The following UBR1 variants were observed in gnomAD, a reference collection of about 807,000 sequenced individuals.
UBR1 encodes the protein E3 ubiquitin-protein ligase UBR1.
UBR1 carries 102 observed loss-of-function variants against 242.1 expected under a neutral mutation model. That is an observed-to-expected ratio of 0.42 (90% CI 0.36 to 0.50). The LOEUF is 0.50. Among genes scored for constraint, UBR1 ranks in the 20% least tolerant of loss-of-function variants. The pLI, the probability that UBR1 is intolerant of heterozygous loss-of-function variation, is 0.01. For synonymous variants in UBR1, 675 were observed against 684.8 expected (o/e 0.99, Z 0.22); for missense variants, 1,772 against 2,101.8 (o/e 0.84, Z 3.07).
intron 30 of UBR1, among the ~76,000 whole-genome samples, chr15:43,004,747 C>T (rs556334928): frequency 3.3e-5 from 5 of 152,204 alleles, no homozygotes; most frequent in Admixed American, 2.0e-4. Context: ...TCCTCCCAGC[C>T]GCCTGCCTTG....
intron 3 of UBR1, among the ~76,000 whole-genome samples, chr15:43,076,013 C>T (rs1429711139): frequency 1.3e-5 from 2 of 151,970 alleles, no homozygotes; most frequent in Non-Finnish European, 2.9e-5. Flanking sequence ...CATGGTCTCC[C>T]TCTGATGCCG....
chr15:42,984,058 TAAGAGTTGGTAA>T, intron 36 of UBR1, 65 bp from the exon 37 acceptor site: 1 of 1,310,568 alleles, frequency 7.6e-7, no homozygotes, highest in South Asian at 1.3e-5. Flanking sequence ...GTCATCCACT[TAAGAGTTGGTAA>T]AAACCAACTC....
At chr15:43,095,955 T>A (rs1332320455) in intron 1 of UBR1, among the ~76,000 whole-genome samples, 2 of 152,194 alleles carry the variant, frequency 1.3e-5, no homozygotes, top group Non-Finnish European at 2.9e-5. Context: ...CCAATGCATA[T>A]GAAAGTTATG....
intron 21 of UBR1, among the ~76,000 whole-genome samples, chr15:43,029,114 T>TACACACACACGCAC (rs1567130714): frequency 1.4e-5 from 2 of 145,672 alleles, no homozygotes; most frequent in Non-Finnish European, 3.0e-5. Context: ...TAAAAACAAA[T>TACACACACACGCAC]ACACACACAC....
At chr15:42,981,611 T>C (rs1039519382) in intron 37 of UBR1, among the ~76,000 whole-genome samples, 1 of 152,126 alleles carries the variant, frequency 6.6e-6, no homozygotes, top group African/African-American at 2.4e-5. Context: ...TGCCTCAGCC[T>C]CCCGAGTAGC....
At chr15:43,013,072 A>C (rs1294724642) in intron 29 of UBR1, among the ~76,000 whole-genome samples, 1 of 152,054 alleles carries the variant, frequency 6.6e-6, no homozygotes, top group Non-Finnish European at 1.5e-5. Context: ...CACCCGGCTA[A>C]TTTTTGTATT....
At chr15:42,948,732 A>G (rs770150004) in intron 46 of UBR1, among the ~76,000 whole-genome samples, 51 of 152,230 alleles carry the variant, frequency 3.4e-4, no homozygotes, top group Non-Finnish European at 7.1e-4. Context: ...CCACAATGAG[A>G]TACCACCTCA....
chr15:43,025,978 C>T (rs540638589), intron 23 of UBR1: 1 of 157,750 alleles, frequency 6.3e-6, no homozygotes, highest in African/African-American at 2.4e-5. Context: ...CGCCTGTAAT[C>T]CCAGGACGTT....
chr15:43,091,876 G>A (rs941729108), intron 1 of UBR1: 13 of 307,076 alleles, frequency 4.2e-5, no homozygotes, highest in Admixed American at 1.5e-4. Context: ...AGGTTGCAAT[G>A]AGCTGAGATC....
At chr15:42,945,636 C>T (rs2031721449) in intron 46 of UBR1, among the ~76,000 whole-genome samples, 166 bp from the exon 47 acceptor site, 1 of 151,954 alleles carries the variant, frequency 6.6e-6, no homozygotes, top group Non-Finnish European at 1.5e-5. Context: ...TCACTAAGAA[C>T]TTGACAGGCT....
At chr15:42,948,807 A>C (rs547685681) in intron 46 of UBR1, among the ~76,000 whole-genome samples, 199 of 152,300 alleles carry the variant, frequency 1.3e-3, no homozygotes, top group African/African-American at 4.2e-3. Flanking sequence ...GTGGAGAAAT[A>C]GGAACACTTT....
intron 39 of UBR1, among the ~76,000 whole-genome samples, chr15:42,974,648 A>C (rs1046711153): frequency 3.3e-5 from 5 of 152,178 alleles, no homozygotes; most frequent in African/African-American, 1.2e-4. Flanking sequence ...TCACTCTGTT[A>C]CCCGGCCTGG....
chr15:43,002,793 A>G, intron 31 of UBR1, 89 bp from the exon 32 acceptor site: 1 of 1,574,250 alleles, frequency 6.4e-7, no homozygotes, highest in Non-Finnish European at 8.7e-7. Context: ...AAGTTTTAAA[A>G]ATCTGGAATT....
rs1215201109 is a variant in UBR1, at chr15:43,002,568, G to C, written c.3646C>G (p.Gln1216Glu). 6.2e-7 allele frequency: 1 copy of C among 1,614,064 alleles called. No homozygotes were observed. The highest frequency in any genetic ancestry group is 8.5e-7 in the Non-Finnish European group (1 of 1,180,030). ...ATTAAAATATACCTGTTTATCTTTT[G>C]AGGTTGCAAAGGAATAATGGGGATC... ...TVIPIIPLQPQKINSENADAL... is the reference protein window; with the variant it reads ...TVIPIIPLQPEKINSENADAL... The change falls in exon 32 of 47, where the codon CAA (glutamine) becomes GAA (glutamate). Residue 1216 changes from glutamine to glutamate, a missense_variant. Coordinates refer to ENST00000290650, the MANE Select transcript of UBR1 (RefSeq NM_174916.3).
chr15:42,954,274 A>T (rs2031882015), intron 44 of UBR1, among the ~76,000 whole-genome samples: 1 of 152,152 alleles, frequency 6.6e-6, no homozygotes, highest in South Asian at 2.1e-4. Flanking sequence ...AAATTACTGA[A>T]TTTAGAGATG....
rs150336288 is a variant in UBR1, at chr15:43,104,638, C to G, written c.81+1304G>C. Among the ~76,000 whole-genome samples, 773 of 152,030 alleles carry G rather than the reference C, an allele frequency of 5.1e-3. 13 individuals carry two copies. In the Middle Eastern group the frequency reaches 0.061, roughly 12 times the overall value. ...CTTCAGTCCCTGGAGTTGACTCATG[C>G]CGTAGCTCCCTCTGTAGTTCCCTCT... On this transcript the variant is annotated intron_variant, in intron 1 of 46. Coordinates refer to ENST00000290650, the MANE Select transcript of UBR1 (RefSeq NM_174916.3).
At chr15:43,092,220 G>A in intron 1 of UBR1, 1 of 289,662 alleles carries the variant, frequency 3.5e-6, no homozygotes, top group Non-Finnish European at 6.9e-6. Flanking sequence ...ATCCCTCAAG[G>A]CCCAGCTCAA....
intron 32 of UBR1, 122 bp downstream of exon 32, chr15:43,002,433 C>T (rs2032740421): frequency 9.0e-7 from 1 of 1,107,266 alleles, no homozygotes; most frequent in Non-Finnish European, 1.3e-6. Flanking sequence ...GTTACCCAGG[C>T]TGGTCTCGAA....
chr15:42,950,370 G>C lies in UBR1; in HGVS notation c.5007-7C>G. 1 of 1,613,124 alleles carries C rather than the reference G, an allele frequency of 6.2e-7. No homozygotes were observed. Among genetic ancestry groups the C allele is most frequent in the Non-Finnish European group, 8.5e-7 (1 of 1,179,110 alleles). ...CACTCGGCATTCTCTGATTCTGAAA[G>C]AGAAAATCAATAGGAAATATGGTTA... On this transcript the variant is annotated splice_polypyrimidine_tract_variant and splice_region_variant and intron_variant, in intron 45 of 46. Coordinates refer to ENST00000290650, the MANE Select transcript of UBR1 (RefSeq NM_174916.3).
Sources: allele counts gnomAD v4.1 joint callset (sites outside exome capture counted in the v4.1 genomes callset), GRCh38; gene constraint gnomAD v4.1.1; transcripts MANE v1.5; gene names NCBI Gene and HGNC (gene_info 2026-07-23, HGNC 2026-07-21).